ADCY2: variants seen among roughly 807,000 people sequenced by gnomAD.
The protein encoded by ADCY2 is adenylate cyclase 2.
A neutral mutation model predicts 125.2 loss-of-function variants in ADCY2; 31 were observed. That is an observed-to-expected ratio of 0.25 (90% CI 0.19 to 0.33). ADCY2 has a LOEUF of 0.33. Ranked by LOEUF, ADCY2 falls within the 10% of genes least tolerant of loss-of-function variation. The pLI, the probability that ADCY2 is intolerant of heterozygous loss-of-function variation, is 1.00. For synonymous variants in ADCY2, 512 were observed against 548.4 expected (o/e 0.93, Z 0.93); for missense variants, 904 against 1,418.2 (o/e 0.64, Z 5.82).
chr5:7,492,836 G>T (rs1743211902), intron 2 of ADCY2, among the ~76,000 whole-genome samples: 1 of 152,168 alleles, frequency 6.6e-6, no homozygotes, highest in South Asian at 2.1e-4. Flanking sequence ...AGTCAGAGGA[G>T]GGTGAGCTGC....
At chr5:7,804,071 A>AGAGAGAGAGAGAGAGAGAGAGAGC (rs1280836195) in intron 21 of ADCY2, among the ~76,000 whole-genome samples, 8 of 148,676 alleles carry the variant, frequency 5.4e-5, no homozygotes, top group Non-Finnish European at 1.2e-4. Flanking sequence ...AGAGAGAGAG[A>AGAGAGAGAGAGAGAGAGAGAGAGC]GAGCTGGTTT....
chr5:7,602,315 A>T (rs1306635209), intron 3 of ADCY2, among the ~76,000 whole-genome samples: 1 of 152,212 alleles, frequency 6.6e-6, no homozygotes, highest in Non-Finnish European at 1.5e-5. Flanking sequence ...TCCTTTGGTG[A>T]TACATAACTC....
At chr5:7,781,576 A>T (rs1363740666) in intron 18 of ADCY2, among the ~76,000 whole-genome samples, 2 of 152,200 alleles carry the variant, frequency 1.3e-5, no homozygotes, top group Non-Finnish European at 2.9e-5. Flanking sequence ...CAAGGCAAGG[A>T]AGCATTCCCT....
chr5:7,627,218 C>T (rs139469828), intron 4 of ADCY2, among the ~76,000 whole-genome samples: 143 of 152,170 alleles, frequency 9.4e-4, no homozygotes, highest in African/African-American at 3.4e-3. Flanking sequence ...GTGTCGTTGT[C>T]AGGGGCATCC....
chr5:7,601,753 C>G (rs979376729), intron 3 of ADCY2, among the ~76,000 whole-genome samples: 1 of 152,184 alleles, frequency 6.6e-6, no homozygotes, highest in Non-Finnish European at 1.5e-5. Context: ...CCCATCCTTC[C>G]TTAGGTGTCA....
rs1292392670 is a variant in ADCY2, at chr5:7,478,372, AAT to A, written c.409-42364_409-42363del. The stretch of plus-strand genomic sequence containing the variant: ...ATGAGGAAATGTTATTCCATATAAA[AAT>A]AGTGTCACCTTTTACATTAATTTCT... On this transcript the variant is annotated intron_variant, in intron 2 of 24. Transcript: ENST00000338316. Among the ~76,000 whole-genome samples the A allele has an allele frequency of 2.6e-5, 4 of 152,336 alleles. No individual in the cohort carries two copies. The East Asian group carries it at 7.7e-4, about 29-fold the overall frequency.
intron 3 of ADCY2, among the ~76,000 whole-genome samples, chr5:7,557,977 C>T (rs1579571230): frequency 6.6e-6 from 1 of 152,164 alleles, no homozygotes; most frequent in Admixed American, 6.5e-5. Context: ...TTTACACTCT[C>T]ACCAACTGTG....
chr5:7,645,442 A>T (rs1738862188), intron 4 of ADCY2, among the ~76,000 whole-genome samples: 1 of 152,212 alleles, frequency 6.6e-6, no homozygotes, highest in Admixed American at 6.5e-5. Flanking sequence ...TTCAGCCAAC[A>T]GACAATGAAG....
At chr5:7,480,565 C>A (rs575301824) in intron 2 of ADCY2, among the ~76,000 whole-genome samples, 1 of 152,018 alleles carries the variant, frequency 6.6e-6, no homozygotes, top group Non-Finnish European at 1.5e-5. Context: ...AACACATGGA[C>A]ACATAGAGGG....
intron 2 of ADCY2, among the ~76,000 whole-genome samples, chr5:7,435,887 A>C (rs1740781259): frequency 6.6e-6 from 1 of 152,174 alleles, no homozygotes; most frequent in African/African-American, 2.4e-5. Flanking sequence ...TGACTTTATA[A>C]TGGTGGACTT....
intron 15 of ADCY2, among the ~76,000 whole-genome samples, chr5:7,750,973 A>G (rs1167206920): frequency 6.6e-6 from 1 of 151,146 alleles, no homozygotes; most frequent in Non-Finnish European, 1.5e-5. Context: ...CTTTTATCAG[A>G]GGTATGTTGA....
intron 16 of ADCY2, among the ~76,000 whole-genome samples, chr5:7,761,148 C>CTTTTT (rs367998018): frequency 0.053 from 4,698 of 88,062 alleles, 677 homozygotes; most frequent in African/African-American, 0.088. Flanking sequence ...CTTTTCTTTT[C>CTTTTT]TTTTTTTTTT....
rs112460649 is a variant in ADCY2, at chr5:7,686,473, G to A, written c.721-4218G>A. Reference sequence around the variant, plus strand: ...TGTTAAATGGAACCCCCAAATCAAGGGCAAGTTATTAATCAGATAACCTTT... The same window carrying A: ...TGTTAAATGGAACCCCCAAATCAAGAGCAAGTTATTAATCAGATAACCTTT... On this transcript the variant is annotated intron_variant, in intron 4 of 24. Coordinates refer to ENST00000338316, the MANE Select transcript of ADCY2 (RefSeq NM_020546.3). Among the ~76,000 whole-genome samples the A allele has an allele frequency of 8.7e-3, 1,321 of 152,212 alleles. 6 individuals carry two copies. Among genetic ancestry groups the A allele is most frequent in the Non-Finnish European group, 0.011 (777 of 68,022 alleles).
chr5:7,693,419 T>TTG lies in ADCY2; in HGVS notation c.870-2332_870-2331insGT, dbSNP rs1554032734. Among the ~76,000 whole-genome samples the TTG allele has an allele frequency of 8.5e-3, 503 of 59,376 alleles. 7 individuals carry two copies. The highest frequency in any genetic ancestry group is 0.024 in the African/African-American group (457 of 19,394). 39.0% of individuals were successfully genotyped at this position (59,376 alleles called of 152,430 possible). On this transcript the variant is annotated intron_variant, in intron 5 of 24. Transcript: ENST00000338316. ...CAATTGCCTGCTGTTTTTTGTTTTTTTTTTTTTTTTTTTTTTTGAGACGGA... is the reference window on the plus strand; with the variant it reads ...CAATTGCCTGCTGTTTTTTGTTTTTTTGTTTTTTTTTTTTTTTTTGAGACGGA...
chr5:7,503,121 G>GC (rs1395790701), intron 2 of ADCY2, among the ~76,000 whole-genome samples: 9 of 152,182 alleles, frequency 5.9e-5, no homozygotes, highest in Non-Finnish European at 1.3e-4. Context: ...CACAGAAGGT[G>GC]CTTGATAAAT....
intron 2 of ADCY2, among the ~76,000 whole-genome samples, chr5:7,457,344 G>A (rs1480552293): frequency 2.0e-5 from 3 of 152,234 alleles, no homozygotes; most frequent in Non-Finnish European, 2.9e-5. Context: ...CTGTGCATGT[G>A]GTCAGCTGCT....
intron 2 of ADCY2, among the ~76,000 whole-genome samples, chr5:7,427,839 A>G (rs570406432): frequency 5.2e-4 from 79 of 152,296 alleles, no homozygotes; most frequent in South Asian, 2.7e-3. Context: ...CTACTTTTCC[A>G]TTTGCTTTGG....
chr5:7,694,915 T>C (rs1740840986), intron 5 of ADCY2, among the ~76,000 whole-genome samples: 1 of 152,222 alleles, frequency 6.6e-6, no homozygotes, highest in African/African-American at 2.4e-5. Context: ...CCCCTCCAGG[T>C]TCTCATCCAC....
chr5:7,818,965 G>A (rs575027519), intron 23 of ADCY2, among the ~76,000 whole-genome samples: 92 of 152,276 alleles, frequency 6.0e-4, no homozygotes, highest in Non-Finnish European at 1.0e-3. Flanking sequence ...ATCACAAGGC[G>A]AGGTCCCACA....
Sources: gnomAD v4.1 joint callset for allele counts (sites outside exome capture counted in the v4.1 genomes callset) on GRCh38, gnomAD v4.1.1 for gene constraint, MANE v1.5 for transcripts, NCBI Gene and HGNC (gene_info 2026-07-23, HGNC 2026-07-21) for gene names.